The following GTF3C1 variants were observed in gnomAD, a reference collection of about 807,000 sequenced individuals.
The protein encoded by GTF3C1 is general transcription factor IIIC subunit 1, also known as general transcription factor 3C polypeptide 1.
Under a neutral mutation model 226.7 loss-of-function variants are expected in GTF3C1, and 57 were observed. That is an observed-to-expected ratio of 0.25 (90% CI 0.20 to 0.31). The LOEUF (loss-of-function observed/expected upper bound fraction) is 0.31, where lower values mean the gene tolerates loss of function less well. Among genes scored for constraint, GTF3C1 ranks in the 10% least tolerant of loss-of-function variants. The pLI, the probability that GTF3C1 is intolerant of heterozygous loss-of-function variation, is 1.00. For synonymous variants in GTF3C1, 1,090 were observed against 1,084.8 expected (o/e 1.00, Z -0.09); for missense variants, 2,217 against 2,776.1 (o/e 0.80, Z 4.53).
chr16:27,471,696 GA>G lies in GTF3C1; in HGVS notation c.4526+51del. On this transcript the variant is annotated intron_variant, in intron 30 of 36. Coordinates refer to ENST00000356183, the MANE Select transcript of GTF3C1 (RefSeq NM_001520.4). This position sits in a 1 kb window ranked among gnomAD's most constrained non-coding sequence, Gnocchi z 5.0. ...AGTGCTTCCTTTGCTCCTCTTTACAGACAGGGCGTGGCTCCACCTCGGAGTA... is the reference window on the plus strand; with the variant it reads ...AGTGCTTCCTTTGCTCCTCTTTACAGCAGGGCGTGGCTCCACCTCGGAGTA... 1 of 1,421,726 alleles carries G rather than the reference GA, an allele frequency of 7.0e-7. No homozygotes were observed. Among genetic ancestry groups the G allele is most frequent in the Non-Finnish European group, 9.9e-7 (1 of 1,009,614 alleles). 88.1% of individuals were successfully genotyped at this position (1,421,726 alleles called of 1,614,324 possible).
chr16:27,476,679 C>T, intron 28 of GTF3C1, 135 bp from the exon 29 acceptor site: 1 of 631,010 alleles, frequency 1.6e-6, no homozygotes, highest in Non-Finnish European at 2.9e-6. Flanking sequence ...AAAGAAAACA[C>T]AATATATGAT....
rs1296776708 is a variant in GTF3C1, at chr16:27,506,102, C to A, written c.1567G>T (p.Val523Leu). 2 of 1,606,066 alleles carry A rather than the reference C, an allele frequency of 1.2e-6. No homozygotes were observed. The highest frequency in any genetic ancestry group is 2.2e-5 in the South Asian group (2 of 90,908). ...TGCTTTTTCAATGGGTGTAGGTTTA[C>A]AACTTTCCACCCACCTGTGGTGGAG... Reference protein sequence around the residue: ...STPTKGGWKVVNLHPLKKQPP... With the variant: ...STPTKGGWKVLNLHPLKKQPP... The change falls in exon 10 of 37, where the codon GTA becomes TTA. Residue 523 changes from valine to leucine, a missense_variant. By Grantham distance (32) the Val-to-Leu change is conservative (BLOSUM62 1). Coordinates refer to ENST00000356183, the MANE Select transcript of GTF3C1 (RefSeq NM_001520.4).
At position 27,479,655 on chromosome 16, in the gene GTF3C1, G is replaced by T. The variant is rs555230285; in HGVS notation, c.4197-1124C>A. 3.3e-5 allele frequency among the ~76,000 whole-genome samples: 5 copies of T among 152,236 alleles called. No homozygotes were observed. In the East Asian group the frequency reaches 9.7e-4, roughly 29 times the overall value. ...AGCTAATTTTTGTATTTTTAGAAGA[G>T]ACAGGGTTTCACCATGTTGGCCAGG... On this transcript the variant is annotated intron_variant, in intron 27 of 36. Coordinates refer to ENST00000356183, the MANE Select transcript of GTF3C1 (RefSeq NM_001520.4).
At position 27,469,137 on chromosome 16, in the gene GTF3C1, G is replaced by A. The variant is rs1407272096; in HGVS notation, c.5074+154C>T. 6.6e-6 allele frequency among the ~76,000 whole-genome samples: 1 copy of A among 152,250 alleles called. No individual in the cohort carries two copies. Among genetic ancestry groups the A allele is most frequent in the South Asian group, 2.1e-4 (1 of 4,838 alleles). On this transcript the variant is annotated intron_variant, in intron 32 of 36. Coordinates refer to ENST00000356183, the MANE Select transcript of GTF3C1 (RefSeq NM_001520.4). This position sits in a 1 kb window ranked among gnomAD's most constrained non-coding sequence, Gnocchi z 4.5. ...GGCACCTGGGGAAGGCATCCCTTGA[G>A]TTGGCTGCAAGGATGGGGTGTGTTT... is the stretch of plus-strand genomic sequence containing the variant.
In GTF3C1 at chr16:27,495,219, G is replaced by C. The variant is rs138819759; in HGVS notation, c.2624C>G (p.Thr875Arg). The C allele has an allele frequency of 6.2e-7, 1 of 1,609,030 alleles. No individual in the cohort carries two copies. The highest frequency in any genetic ancestry group is 2.2e-5 in the East Asian group (1 of 44,840). Residue 875 changes from threonine (T) to arginine (R), a missense_variant, in exon 15 of 37, where the codon ACG becomes AGG. Around this residue, in one of 12 missense-constraint regions of GTF3C1, gnomAD observed 353 missense variants for 411.7 expected, o/e 0.86. Coordinates refer to ENST00000356183, the MANE Select transcript of GTF3C1 (RefSeq NM_001520.4). ...TGGCAGGGGCCTCTCACCTGTCTCC[G>C]TGGCAAGCTCCACTTCAGCCTCCCA... ...VTWEAEVELA[T>R]ETVYVDDASW... is the part of the protein sequence containing the mutation.
intron 6 of GTF3C1, among the ~76,000 whole-genome samples, chr16:27,519,162 C>A (rs751755522): frequency 6.6e-6 from 1 of 151,806 alleles, no homozygotes; most frequent in Non-Finnish European, 1.5e-5. Flanking sequence ...TCTGATAAGG[C>A]AGAAGAAGAC....
chr16:27,527,062 C>A (rs975645786), intron 6 of GTF3C1, among the ~76,000 whole-genome samples: 2 of 152,182 alleles, frequency 1.3e-5, no homozygotes, highest in African/African-American at 4.8e-5. Context: ...AAGAAATTAG[C>A]CCAGCATGGT....
intron 6 of GTF3C1, among the ~76,000 whole-genome samples, chr16:27,525,121 A>T (rs1459174393): frequency 1.3e-5 from 2 of 151,580 alleles, no homozygotes; most frequent in Non-Finnish European, 2.9e-5. Context: ...ACTGCACTCC[A>T]GCCTGGGCAA....
chr16:27,514,887 T>C (rs559735907), intron 6 of GTF3C1, among the ~76,000 whole-genome samples: 5 of 152,334 alleles, frequency 3.3e-5, no homozygotes, highest in Admixed American at 6.5e-5. Flanking sequence ...TGACTGAGAA[T>C]AGAAGAGCGG....
At chr16:27,512,024 A>G (rs978016941) in intron 6 of GTF3C1, 123 bp from the exon 7 acceptor site, 15 of 1,040,078 alleles carry the variant, frequency 1.4e-5, no homozygotes, top group Non-Finnish European at 2.0e-5. Flanking sequence ...AAGGTCACAC[A>G]TATCACCGTG....
intron 6 of GTF3C1, among the ~76,000 whole-genome samples, chr16:27,518,182 G>A (rs1221302977): frequency 2.1e-5 from 3 of 143,840 alleles, no homozygotes; most frequent in South Asian, 4.9e-4. Context: ...CACCACCCCC[G>A]CCCAAGACAC....
chr16:27,537,838 G>C lies in GTF3C1; in HGVS notation c.698C>G (p.Thr233Ser). ...GAGGATTGAGTGTTGCTGGGCTCCA[G>C]TGGGTAATCGGATCACATGGGACTG... is the stretch of plus-strand genomic sequence containing the variant. ...TMQSHVIRLP[T>S]GAQQHSILLL... Residue 233 changes from threonine to serine, a missense_variant, in exon 4 of 37, where the codon ACT (threonine) becomes AGT (serine). By Grantham distance (58) the Thr-to-Ser change is moderately conservative (BLOSUM62 1). Coordinates refer to ENST00000356183, the MANE Select transcript of GTF3C1 (RefSeq NM_001520.4). 6.2e-7 allele frequency: 1 copy of C among 1,612,370 alleles called. No homozygotes were observed. The highest frequency in any genetic ancestry group is 8.5e-7 in the Non-Finnish European group (1 of 1,178,342).
chr16:27,541,120 T>C (rs1167525689), intron 2 of GTF3C1, among the ~76,000 whole-genome samples: 1 of 152,048 alleles, frequency 6.6e-6, no homozygotes, highest in Non-Finnish European at 1.5e-5. Context: ...GGATTACAGG[T>C]GTGAGCCACT....
chr16:27,528,535 A>G (rs796213204), intron 6 of GTF3C1, 63 bp downstream of exon 6: 5 of 1,310,378 alleles, frequency 3.8e-6, no homozygotes, highest in South Asian at 3.7e-5. Context: ...GAGAGGCTGA[A>G]GCTTAGAAGA....
At chr16:27,524,531 C>T (rs1308633942) in intron 6 of GTF3C1, among the ~76,000 whole-genome samples, 1 of 152,276 alleles carries the variant, frequency 6.6e-6, no homozygotes, top group East Asian at 1.9e-4. Flanking sequence ...TGAAGGTCAC[C>T]TTACCAGACA....
chr16:27,480,977 C>A (rs2088035482), intron 27 of GTF3C1, 102 bp downstream of exon 27: 2 of 882,022 alleles, frequency 2.3e-6, no homozygotes, highest in East Asian at 4.9e-5. Flanking sequence ...TGCAGCCAGG[C>A]AGGTGCTGTG....
chr16:27,487,442 A>G (rs2088159516), intron 23 of GTF3C1, among the ~76,000 whole-genome samples: 1 of 152,232 alleles, frequency 6.6e-6, no homozygotes, highest in Non-Finnish European at 1.5e-5. Context: ...TACTGGCCGG[A>G]TGAAGAACTC....
intron 4 of GTF3C1, among the ~76,000 whole-genome samples, chr16:27,537,315 C>A (rs946321509): frequency 2.6e-5 from 4 of 152,116 alleles, no homozygotes; most frequent in Non-Finnish European, 5.9e-5. Flanking sequence ...TGTATAGTTT[C>A]CTAGTTTTCT....
rs1183513619 is a variant in GTF3C1, at chr16:27,505,975, G to C, written c.1694C>G (p.Ser565Cys). Reference sequence around the variant, plus strand: ...GCTGTCCGCACAGTGGGAGACAAAGGACACGTTGGGTTCTGAGACGCTGCT... The same window carrying C: ...GCTGTCCGCACAGTGGGAGACAAAGCACACGTTGGGTTCTGAGACGCTGCT... ...DTSSVSEPNVSFVSHCADSNS... is the reference protein window; with the variant it reads ...DTSSVSEPNVCFVSHCADSNS... Residue 565 changes from serine (S) to cysteine (C), a missense_variant, in exon 10 of 37, where the codon TCC (serine) becomes TGC (cysteine). Around this residue, in one of 12 missense-constraint regions of GTF3C1, gnomAD observed 173 missense variants for 207.2 expected, o/e 0.83. Coordinates refer to ENST00000356183, the MANE Select transcript of GTF3C1 (RefSeq NM_001520.4). The C allele has an allele frequency of 6.2e-7, 1 of 1,613,488 alleles. No homozygotes were observed. The highest frequency in any genetic ancestry group is 8.5e-7 in the Non-Finnish European group (1 of 1,179,360).
Sources: allele counts gnomAD v4.1 joint callset (sites outside exome capture counted in the v4.1 genomes callset), GRCh38; gene constraint gnomAD v4.1.1; regional missense constraint gnomAD v4.1.1; non-coding constraint Gnocchi (gnomAD v3.1); transcripts MANE v1.5; gene names NCBI Gene and HGNC (gene_info 2026-07-23, HGNC 2026-07-21).